CACNB2: variants seen among roughly 807,000 people sequenced by gnomAD.
CACNB2 encodes the protein voltage-dependent L-type calcium channel subunit beta-2.
In CACNB2, 42 loss-of-function variants were observed where a neutral mutation model predicts 73.3. The observed-to-expected ratio is 0.57, with a 90% CI of 0.45 to 0.74. CACNB2 has a LOEUF of 0.74. Ranked by LOEUF, CACNB2 falls within the 30% of genes least tolerant of loss-of-function variation. The pLI is 0.00. For missense variants in CACNB2, 940 were observed against 853.0 expected (o/e 1.10, Z -1.27); for synonymous variants, 348 against 310.3 (o/e 1.12, Z -1.28).
At chr10:18,238,899 T>C (rs529321850) in intron 2 of CACNB2, among the ~76,000 whole-genome samples, 1 of 152,194 alleles carries the variant, frequency 6.6e-6, no homozygotes, top group African/African-American at 2.4e-5. Context: ...AAAGACCTGA[T>C]TCGATTATTT....
At chr10:18,484,828 C>T (rs564937981) in intron 3 of CACNB2, among the ~76,000 whole-genome samples, 29 of 152,138 alleles carry the variant, frequency 1.9e-4, no homozygotes, top group Non-Finnish European at 4.0e-4. Context: ...TCTATATACA[C>T]TTGCACTTAC....
chr10:18,395,783 A>C (rs953584855), intron 2 of CACNB2, among the ~76,000 whole-genome samples: 1 of 152,196 alleles, frequency 6.6e-6, no homozygotes, highest in Non-Finnish European at 1.5e-5. Flanking sequence ...CACTCAGCTA[A>C]ATGATAGGTC....
At chr10:18,146,450 C>T (rs764807115) in intron 1 of CACNB2, among the ~76,000 whole-genome samples, 6 of 151,284 alleles carry the variant, frequency 4.0e-5, no homozygotes, top group Admixed American at 1.3e-4. Flanking sequence ...GCTGGGACTA[C>T]AGGCACATGC....
chr10:18,337,403 A>G (rs908017168), intron 2 of CACNB2, among the ~76,000 whole-genome samples: 10 of 152,158 alleles, frequency 6.6e-5, no homozygotes, highest in Non-Finnish European at 1.5e-4. Context: ...TGCCCGGCCT[A>G]CTTTTTTCTT....
rs375129004 is a variant in CACNB2 at position 18,174,661 on chromosome 10, C to G, written c.213+23686C>G. On this transcript the variant is annotated intron_variant, in intron 2 of 13. Coordinates refer to ENST00000324631, the MANE Select transcript of CACNB2 (RefSeq NM_201596.3). ...TCAAGTGATCCACCCGCCTTGGCCT[C>G]CCAAAGTGCTGAGATTACAGGCGTA... Among the ~76,000 whole-genome samples the G allele has an allele frequency of 3.3e-5, 5 of 152,072 alleles. No individual in the cohort carries two copies. In the East Asian group the frequency reaches 5.8e-4, roughly 18 times the overall value.
At chr10:18,248,920 TG>T (rs1281533491) in intron 2 of CACNB2, among the ~76,000 whole-genome samples, 2 of 152,110 alleles carry the variant, frequency 1.3e-5, no homozygotes, top group Non-Finnish European at 2.9e-5. Context: ...ACACACATAG[TG>T]GGGGAAAAAG....
At chr10:18,288,055 C>A (rs2038880859) in intron 2 of CACNB2, among the ~76,000 whole-genome samples, 1 of 152,192 alleles carries the variant, frequency 6.6e-6, no homozygotes, top group South Asian at 2.1e-4. Context: ...AGGTCTGTCT[C>A]TGTGTCCAAC....
intron 2 of CACNB2, among the ~76,000 whole-genome samples, chr10:18,173,257 A>G (rs535989117): frequency 9.2e-5 from 14 of 152,352 alleles, no homozygotes; most frequent in Non-Finnish European, 1.8e-4. Flanking sequence ...GAGAAATGAA[A>G]GAGATGATGG....
chr10:18,532,764 C>T (rs1212074626), intron 10 of CACNB2, among the ~76,000 whole-genome samples: 2 of 151,276 alleles, frequency 1.3e-5, no homozygotes, highest in Non-Finnish European at 2.9e-5. Flanking sequence ...CTACTCAAAC[C>T]TTTAAAAGCA....
At position 18,500,927 on chromosome 10, in the gene CACNB2, A is replaced by G; in HGVS notation, c.572A>G (p.Lys191Arg). 6.2e-7 allele frequency: 1 copy of G among 1,614,160 alleles called. No homozygotes were observed. Among genetic ancestry groups the G allele is most frequent in the Middle Eastern group, 1.6e-4 (1 of 6,062 alleles). The change falls in exon 5 of 14, where the codon AAG becomes AGG. Residue 191 changes from lysine (K) to arginine (R), a missense_variant. By Grantham distance (26) the Lys-to-Arg change is conservative. Transcript: ENST00000324631. ...NMRLQHEQRA[K>R]QGKFYSSKSG... Reference sequence around the variant, plus strand: ...AGGCTGCAGCATGAACAGAGAGCCAAGCAAGGGAAATTCTACTCCAGGTAT... The same window carrying G: ...AGGCTGCAGCATGAACAGAGAGCCAGGCAAGGGAAATTCTACTCCAGGTAT...
Position 18,516,784 on chromosome 10 carries a change from C to T in CACNB2, c.805-1552C>T, listed in dbSNP as rs561254552. 4.0e-5 allele frequency among the ~76,000 whole-genome samples: 6 copies of T among 151,158 alleles called. No individual in the cohort carries two copies. In the East Asian group the frequency reaches 1.2e-3, roughly 29 times the overall value. The stretch of plus-strand genomic sequence containing the variant: ...CTTTTAGAGTGGTGCTTGTGTGGTA[C>T]GTGTGCTGTCACTGTATTATGTTTG... On this transcript the variant is annotated intron_variant, in intron 7 of 13. Transcript: ENST00000324631.
intron 2 of CACNB2, among the ~76,000 whole-genome samples, chr10:18,304,324 AATGGGCAAGTATATT>A (rs2039644131): frequency 6.6e-6 from 1 of 152,186 alleles, no homozygotes; most frequent in Non-Finnish European, 1.5e-5. Flanking sequence ...CTCAATACAC[AATGGGCAAGTATATT>A]ATCTCAAATG....
At chr10:18,284,641 C>T (rs1473864343) in intron 2 of CACNB2, among the ~76,000 whole-genome samples, 1 of 152,142 alleles carries the variant, frequency 6.6e-6, no homozygotes, top group Admixed American at 6.5e-5. Flanking sequence ...GTGGTGAGTG[C>T]ATACTGATGA....
At chr10:18,270,349 A>T (rs962778975) in intron 2 of CACNB2, among the ~76,000 whole-genome samples, 1 of 152,214 alleles carries the variant, frequency 6.6e-6, no homozygotes, top group African/African-American at 2.4e-5. Context: ...TCCACATGAG[A>T]TTTGGGTGGG....
chr10:18,481,213 TATATATATATATATATA>T (rs1365276876), intron 3 of CACNB2, among the ~76,000 whole-genome samples: 38 of 12,818 alleles, frequency 3.0e-3, no homozygotes, highest in Non-Finnish European at 4.4e-3. Context: ...TATATATATA[TATATATATATATATATA>T]TTTTTTTTTT....
At chr10:18,483,838 A>G (rs528413439) in intron 3 of CACNB2, among the ~76,000 whole-genome samples, 2 of 152,326 alleles carry the variant, frequency 1.3e-5, no homozygotes, top group Admixed American at 6.5e-5. Flanking sequence ...TTTTATAACA[A>G]TTTAAATGCC....
At chr10:18,331,932 G>A (rs1321263404) in intron 2 of CACNB2, among the ~76,000 whole-genome samples, 1 of 152,162 alleles carries the variant, frequency 6.6e-6, no homozygotes, top group African/African-American at 2.4e-5. Flanking sequence ...GCAGTGAGGG[G>A]AAAGCACTCT....
intron 2 of CACNB2, among the ~76,000 whole-genome samples, chr10:18,306,273 G>A (rs1250867720): frequency 6.6e-6 from 1 of 152,182 alleles, no homozygotes; most frequent in Admixed American, 6.5e-5. Context: ...CACTTGAGGA[G>A]AAGTGAGTTG....
chr10:18,349,952 A>G (rs2041636876), intron 2 of CACNB2, among the ~76,000 whole-genome samples: 1 of 152,158 alleles, frequency 6.6e-6, no homozygotes, highest in South Asian at 2.1e-4. Context: ...ATTATTTTTA[A>G]TTCCGTAACA....
Sources: allele counts gnomAD v4.1 joint callset (sites outside exome capture counted in the v4.1 genomes callset), GRCh38; gene constraint gnomAD v4.1.1; transcripts MANE v1.5; gene names NCBI Gene and HGNC (gene_info 2026-07-23, HGNC 2026-07-21).